The following NRG3 variants were observed in gnomAD, a reference collection of about 807,000 sequenced individuals.
NRG3 encodes pro-neuregulin-3, membrane-bound isoform.
NRG3 carries 31 observed loss-of-function variants against 66.9 expected under a neutral mutation model. That is an observed-to-expected ratio of 0.46 (90% CI 0.35 to 0.63). The LOEUF is 0.63. Ranked by LOEUF, NRG3 falls within the 20% of genes least tolerant of loss-of-function variation. The probability of loss-of-function intolerance (pLI) is 0.00; values close to 1 mark genes in which losing one functional copy is unlikely to be tolerated. For missense variants in NRG3, 910 were observed against 878.9 expected (o/e 1.04, Z -0.45); for synonymous variants, 393 against 359.4 (o/e 1.09, Z -1.06).
At chr10:82,005,484 C>G (rs2061344000) in intron 1 of NRG3, among the ~76,000 whole-genome samples, 1 of 152,138 alleles carries the variant, frequency 6.6e-6, no homozygotes, top group Non-Finnish European at 1.5e-5. Context: ...ACAGCTGATT[C>G]TTTAAAGCCT....
chr10:82,803,574 AT>A (rs78774385), intron 3 of NRG3, among the ~76,000 whole-genome samples: 9,232 of 152,090 alleles, frequency 0.061, 384 homozygotes, highest in East Asian at 0.19. Flanking sequence ...TCATTCATTC[AT>A]TTTTTTGACT....
chr10:82,847,634 G>A (rs2063364140), intron 3 of NRG3, among the ~76,000 whole-genome samples: 1 of 152,130 alleles, frequency 6.6e-6, no homozygotes, highest in Non-Finnish European at 1.5e-5. Flanking sequence ...TCAGAAAAAT[G>A]TGTATATCAT....
rs1196468453 is a variant in NRG3, at chr10:82,105,668, C to T, written c.823+229505C>T. Among the ~76,000 whole-genome samples the T allele has an allele frequency of 2.6e-5, 4 of 152,270 alleles. No individual in the cohort carries two copies. The East Asian group carries it at 7.7e-4, about 29-fold the overall frequency. On this transcript the variant is annotated intron_variant, in intron 1 of 8. Transcript: ENST00000372141. ...GAGGCATCTGTAATGAATACATACACTATCTGTCCATTTTTCTTCTCTCTG... is the reference window on the plus strand; with the variant it reads ...GAGGCATCTGTAATGAATACATACATTATCTGTCCATTTTTCTTCTCTCTG...
rs754926761 is a variant in NRG3 at position 82,358,888 on chromosome 10, G to A, written c.953+20G>A. On this transcript the variant is annotated intron_variant, in intron 2 of 8. Coordinates refer to ENST00000372141, the MANE Select transcript of NRG3 (RefSeq NM_001010848.4). ...CTGTCGGTAAGCCACTGAGGCCACT[G>A]ATGGAAAGGGCAGGCCCGTTGCAAG... 1.2e-6 allele frequency: 2 copies of A among 1,613,932 alleles called. No homozygotes were observed. Among genetic ancestry groups the A allele is most frequent in the Non-Finnish European group, 1.7e-6 (2 of 1,179,976 alleles).
intron 1 of NRG3, among the ~76,000 whole-genome samples, chr10:81,922,420 C>T (rs1200864901): frequency 6.6e-6 from 1 of 152,120 alleles, no homozygotes; most frequent in Non-Finnish European, 1.5e-5. Flanking sequence ...ATCCTTCCAC[C>T]CTTCCAAGTT....
intron 4 of NRG3, among the ~76,000 whole-genome samples, chr10:82,942,905 G>A (rs1387560685): frequency 6.6e-6 from 1 of 151,796 alleles, no homozygotes; most frequent in Non-Finnish European, 1.5e-5. Context: ...TTTCTGGGCA[G>A]GAAATTCAAA....
intron 1 of NRG3, among the ~76,000 whole-genome samples, chr10:82,347,317 G>T (rs370779965): frequency 6.6e-6 from 1 of 151,218 alleles, no homozygotes; most frequent in African/African-American, 2.4e-5. Context: ...CCTTCATTTC[G>T]TTATGTACCC....
At chr10:82,693,863 G>T (rs1252386192) in intron 2 of NRG3, among the ~76,000 whole-genome samples, 1 of 152,202 alleles carries the variant, frequency 6.6e-6, no homozygotes, top group Non-Finnish European at 1.5e-5. Context: ...AAAGAACAAA[G>T]CTCCCTCAGT....
chr10:81,929,061 G>A (rs12253457), intron 1 of NRG3, among the ~76,000 whole-genome samples: 49,947 of 151,822 alleles, frequency 0.33, 10,555 homozygotes, highest in East Asian at 0.63. Flanking sequence ...TTCTGGGCAC[G>A]CGCAGTTCTC....
At chr10:82,475,951 G>A (rs1245771502) in intron 2 of NRG3, among the ~76,000 whole-genome samples, 1 of 152,056 alleles carries the variant, frequency 6.6e-6, no homozygotes, top group Non-Finnish European at 1.5e-5. Context: ...CTGATAAGCA[G>A]TTAAGGTCCA....
intron 1 of NRG3, among the ~76,000 whole-genome samples, chr10:81,952,290 A>G (rs1849441685): frequency 6.6e-6 from 1 of 152,154 alleles, no homozygotes; most frequent in South Asian, 2.1e-4. Flanking sequence ...GGTCCACTAA[A>G]ACAAACACAA....
intron 1 of NRG3, among the ~76,000 whole-genome samples, chr10:82,135,163 A>G (rs762674940): frequency 4.6e-5 from 7 of 151,652 alleles, no homozygotes; most frequent in Non-Finnish European, 8.8e-5. Context: ...AAAAATTTTA[A>G]TATCTTTCCT....
chr10:82,098,330 T>TAG (rs2066503463), intron 1 of NRG3, among the ~76,000 whole-genome samples: 1 of 149,520 alleles, frequency 6.7e-6, no homozygotes, highest in African/African-American at 2.5e-5. Context: ...CATCTATATA[T>TAG]ATGACATATA....
intron 1 of NRG3, among the ~76,000 whole-genome samples, chr10:81,975,342 T>C (rs1339026896): frequency 6.6e-6 from 1 of 151,750 alleles, no homozygotes; most frequent in Non-Finnish European, 1.5e-5. Context: ...TCTATCTATC[T>C]ATCTATCTAT....
At chr10:82,892,956 G>A (rs1843299829) in intron 4 of NRG3, among the ~76,000 whole-genome samples, 1 of 151,946 alleles carries the variant, frequency 6.6e-6, no homozygotes, top group Non-Finnish European at 1.5e-5. Flanking sequence ...ATATGTGTGT[G>A]TATATTCCTG....
chr10:82,738,202 C>T (rs1401499745), intron 2 of NRG3, among the ~76,000 whole-genome samples: 1 of 151,432 alleles, frequency 6.6e-6, no homozygotes, highest in African/African-American at 2.4e-5. Flanking sequence ...GAAAATGGCA[C>T]TTGGAATATG....
At chr10:82,379,307 A>G (rs367694323) in intron 2 of NRG3, among the ~76,000 whole-genome samples, 2 of 152,134 alleles carry the variant, frequency 1.3e-5, no homozygotes, top group East Asian at 1.9e-4. Context: ...TGCCTGAAAA[A>G]TTAGCCAACG....
intron 4 of NRG3, among the ~76,000 whole-genome samples, chr10:82,918,725 G>C (rs537119854): frequency 6.6e-6 from 1 of 152,056 alleles, no homozygotes. Context: ...GATATCCATC[G>C]GTTATTTATT....
chr10:82,008,310 C>T (rs545092986), intron 1 of NRG3, among the ~76,000 whole-genome samples: 1 of 151,976 alleles, frequency 6.6e-6, no homozygotes, highest in Non-Finnish European at 1.5e-5. Flanking sequence ...AGTATGAGTT[C>T]GACAGGCAAA....
Sources: allele counts gnomAD v4.1 joint callset (sites outside exome capture counted in the v4.1 genomes callset), GRCh38; gene constraint gnomAD v4.1.1; transcripts MANE v1.5; gene names NCBI Gene and HGNC (gene_info 2026-07-23, HGNC 2026-07-21).